The following MYO7A variants were observed in gnomAD, a reference collection of about 807,000 sequenced individuals.
MYO7A encodes the protein unconventional myosin-VIIa.
MYO7A carries 210 observed loss-of-function variants against 263.8 expected under a neutral mutation model. That is an observed-to-expected ratio of 0.80 (90% CI 0.71 to 0.89). The LOEUF (loss-of-function observed/expected upper bound fraction) is 0.89, where lower values mean the gene tolerates loss of function less well. MYO7A is among the 40% of genes least tolerant of loss of function. MYO7A has a pLI of 0.00. For missense variants in MYO7A, 2,820 were observed against 2,968.3 expected (o/e 0.95, Z 1.16); for synonymous variants, 1,239 against 1,197.3 (o/e 1.03, Z -0.72).
intron 12 of MYO7A, 84 bp from the exon 13 acceptor site, chr11:77,162,036 T>A (rs1953047638): frequency 7.9e-7 from 1 of 1,268,070 alleles, no homozygotes; most frequent in Non-Finnish European, 1.1e-6. Flanking sequence ...CTAATGGCCA[T>A]GCTGCAGGTG....
chr11:77,144,026 G>A (rs2135649021), intron 3 of MYO7A, among the ~76,000 whole-genome samples: 1 of 152,240 alleles, frequency 6.6e-6, no homozygotes, highest in East Asian at 1.9e-4. Flanking sequence ...ATCCCATGAG[G>A]AAACTGAGGC....
intron 41 of MYO7A, among the ~76,000 whole-genome samples, 157 bp downstream of exon 41, chr11:77,206,359 T>A (rs1565478121): frequency 3.9e-5 from 6 of 152,198 alleles, no homozygotes; most frequent in Admixed American, 3.9e-4. Context: ...ACGAAGGCCA[T>A]CGACTCCCCA....
At chr11:77,133,386 AT>A (rs1462154118) in intron 2 of MYO7A, among the ~76,000 whole-genome samples, 2 of 152,190 alleles carry the variant, frequency 1.3e-5, no homozygotes, top group African/African-American at 4.8e-5. Flanking sequence ...CTTGGCCCAG[AT>A]TTGTGGGCAG....
chr11:77,165,279 C>A (rs577805451), intron 14 of MYO7A, among the ~76,000 whole-genome samples: 24 of 152,334 alleles, frequency 1.6e-4, no homozygotes, highest in African/African-American at 5.8e-4. Context: ...TGGCACTCCC[C>A]CTCTGGCATC....
In MYO7A at chr11:77,161,156, A is replaced by C. The variant is rs782405812; in HGVS notation, c.1343+41A>C. 3 of 1,609,744 alleles carry C rather than the reference A, an allele frequency of 1.9e-6. No homozygotes were observed. The Admixed American group carries it at 5.0e-5, about 27-fold the overall frequency. On this transcript the variant is annotated intron_variant, in intron 12 of 48. Transcript: ENST00000409709. ...CTGCTCATGGGAATTTCCTTCCCCA[A>C]TATGGAAATAAGAAATATCACGTCT...
chr11:77,212,255 T>G (rs767298433), intron 46 of MYO7A: 2 of 496,496 alleles, frequency 4.0e-6, no homozygotes, highest in Admixed American at 2.3e-5. Flanking sequence ...CTGCCGGGTG[T>G]GAGAAGGCCT....
intron 35 of MYO7A, 45 bp from the exon 36 acceptor site, chr11:77,201,403 C>T (rs752139402): frequency 1.3e-6 from 2 of 1,568,344 alleles, no homozygotes; most frequent in East Asian, 4.6e-5. Flanking sequence ...TGTTCCAACT[C>T]AGCCTGTCTC....
At chr11:77,209,091 C>G in intron 44 of MYO7A, 1 of 393,244 alleles carries the variant, frequency 2.5e-6, no homozygotes, top group Non-Finnish European at 4.6e-6. Context: ...CTTCGAGATT[C>G]TGCTGTTGTA....
intron 16 of MYO7A, 71 bp downstream of exon 16, chr11:77,172,956 G>T: frequency 6.7e-7 from 1 of 1,492,120 alleles, no homozygotes; most frequent in Non-Finnish European, 9.0e-7. Context: ...CAAGAATAAG[G>T]TAGGGTGGGA....
chr11:77,190,585 G>T, intron 29 of MYO7A, 112 bp from the exon 30 acceptor site: 2 of 1,247,228 alleles, frequency 1.6e-6, no homozygotes, highest in South Asian at 1.4e-5. Flanking sequence ...AGGTACTGGG[G>T]CCTGGGGTGC....
chr11:77,149,622 G>A (rs1387655837), intron 4 of MYO7A, among the ~76,000 whole-genome samples: 1 of 152,108 alleles, frequency 6.6e-6, no homozygotes, highest in Non-Finnish European at 1.5e-5. Context: ...CTGGAATTAC[G>A]GCCCTTCAGC....
chr11:77,138,735 G>C lies in MYO7A; in HGVS notation c.19-3974G>C, dbSNP rs1951027564. ...CTCCAGGTGCACAGAGGGACCCCCA[G>C]CCATAGTTTATGGACTGGCTGACCG... On this transcript the variant is annotated intron_variant, in intron 2 of 48. Coordinates refer to ENST00000409709, the MANE Select transcript of MYO7A (RefSeq NM_000260.4). This position sits in a 1 kb window ranked among gnomAD's most constrained non-coding sequence, Gnocchi z 4.9. Among the ~76,000 whole-genome samples the C allele has an allele frequency of 6.6e-6, 1 of 152,210 alleles. No individual in the cohort carries two copies. The highest frequency in any genetic ancestry group is 1.5e-5 in the Non-Finnish European group (1 of 68,040).
chr11:77,189,617 C>T, intron 28 of MYO7A, 147 bp downstream of exon 28: 1 of 1,233,366 alleles, frequency 8.1e-7, no homozygotes, highest in South Asian at 1.5e-5. Context: ...TCCTGGCACC[C>T]CCTCCTCTCA....
At chr11:77,199,438 C>A in intron 34 of MYO7A, 97 bp from the exon 35 acceptor site, 2 of 1,325,884 alleles carry the variant, frequency 1.5e-6, no homozygotes, top group South Asian at 1.8e-5. Flanking sequence ...TGACTCTGGC[C>A]AGGCCAGCTC....
At chr11:77,155,619 A>T (rs1275926889) in intron 4 of MYO7A, among the ~76,000 whole-genome samples, 2 of 152,240 alleles carry the variant, frequency 1.3e-5, no homozygotes, top group Non-Finnish European at 2.9e-5. Flanking sequence ...CTTCACAAAC[A>T]GTTACGCTCA....
intron 33 of MYO7A, 35 bp from the exon 34 acceptor site, chr11:77,198,460 G>A (rs1475790883): frequency 1.2e-6 from 2 of 1,608,052 alleles, no homozygotes; most frequent in Admixed American, 3.3e-5. Context: ...CTGGGTGTGG[G>A]AGGCCTGCCT....
In MYO7A at chr11:77,184,708, G is replaced by A. The variant is rs1555087315; in HGVS notation, c.3496G>A (p.Ala1166Thr). Residue 1166 changes from alanine (A) to threonine (T), a missense_variant, in exon 27 of 49, where the codon GCA (alanine) becomes ACA (threonine). Transcript: ENST00000409709. ...FIIGNGILRP[A>T]LRDEIYCQIS... ...CATCGGCAATGGCATCCTGCGGCCA[G>A]CACTCCGGTCAGTGCCGGGAGGCGG... 6.3e-7 allele frequency: 1 copy of A among 1,598,838 alleles called. No homozygotes were observed. The highest frequency in any genetic ancestry group is 1.1e-5 in the South Asian group (1 of 89,226).
intron 8 of MYO7A, among the ~76,000 whole-genome samples, 175 bp from the exon 9 acceptor site, chr11:77,158,102 C>T (rs1450013214): frequency 6.6e-6 from 1 of 152,164 alleles, no homozygotes; most frequent in Non-Finnish European, 1.5e-5. Context: ...GCTTTCTAGA[C>T]CCTCCAGACT....
intron 12 of MYO7A, among the ~76,000 whole-genome samples, chr11:77,161,691 GCT>G (rs1166376639): frequency 1.3e-5 from 2 of 152,178 alleles, no homozygotes; most frequent in Non-Finnish European, 2.9e-5. Flanking sequence ...TGCAGCCAGG[GCT>G]CTGTTTCCCA....
Sources: allele counts gnomAD v4.1 joint callset (sites outside exome capture counted in the v4.1 genomes callset), GRCh38; gene constraint gnomAD v4.1.1; non-coding constraint Gnocchi (gnomAD v3.1); transcripts MANE v1.5; gene names NCBI Gene and HGNC (gene_info 2026-07-23, HGNC 2026-07-21).